PARD3: variants seen among roughly 807,000 people sequenced by gnomAD.
The protein encoded by PARD3 is par-3 family cell polarity regulator.
PARD3 carries 75 observed loss-of-function variants against 155.4 expected under a neutral mutation model. That is an observed-to-expected ratio of 0.48 (90% confidence interval 0.40 to 0.58). The LOEUF (loss-of-function observed/expected upper bound fraction) is 0.58. Among genes scored for constraint, PARD3 ranks in the 20% least tolerant of loss-of-function variants. The pLI, the probability that PARD3 is intolerant of heterozygous loss-of-function variation, is 0.00. For synonymous variants in PARD3, 576 were observed against 610.5 expected, an observed-to-expected ratio of 0.94 and a Z score of 0.83; for missense variants, 1,642 against 1,721.7, an observed-to-expected ratio of 0.95 and a Z score of 0.82.
intron 1 of PARD3, among the ~76,000 whole-genome samples, chr10:34,742,058 T>C (rs577889338): frequency 1.3e-5 from 2 of 152,310 alleles, no homozygotes; most frequent in East Asian, 3.9e-4. Flanking sequence ...TCAAGGTGTT[T>C]GTACTTCTTT....
chr10:34,451,605 T>G (rs1209932519), intron 4 of PARD3, among the ~76,000 whole-genome samples: 1 of 152,146 alleles, frequency 6.6e-6, no homozygotes, highest in African/African-American at 2.4e-5. Flanking sequence ...AAAAATGAAT[T>G]GATAGTATTG....
chr10:34,660,121 TCTAAGA>T (rs1191258582), intron 2 of PARD3, among the ~76,000 whole-genome samples: 16 of 152,182 alleles, frequency 1.1e-4, no homozygotes, highest in Admixed American at 1.3e-4. Context: ...CATCAATAAC[TCTAAGA>T]AAACACAATG....
chr10:34,732,363 G>A (rs150792167), intron 1 of PARD3, among the ~76,000 whole-genome samples: 1,528 of 152,124 alleles, frequency 0.01, 11 homozygotes, highest in Non-Finnish European at 0.015. Flanking sequence ...CATACAAATT[G>A]TCTTTGAAGT....
At chr10:34,141,582 C>T (rs1377211385) in intron 22 of PARD3, among the ~76,000 whole-genome samples, 1 of 152,164 alleles carries the variant, frequency 6.6e-6, no homozygotes, top group East Asian at 1.9e-4. Context: ...TACTCCAAGT[C>T]CCTCTGTGGT....
At chr10:34,359,691 T>C (rs765380619) in intron 13 of PARD3, among the ~76,000 whole-genome samples, 29 of 152,148 alleles carry the variant, frequency 1.9e-4, no homozygotes, top group Non-Finnish European at 4.0e-4. Flanking sequence ...AACTGTCCCC[T>C]TAACAAATGG....
chr10:34,611,812 T>C (rs12220801), intron 2 of PARD3, among the ~76,000 whole-genome samples: 28 of 144,140 alleles, frequency 1.9e-4, no homozygotes, highest in Admixed American at 4.8e-4. Flanking sequence ...TCTTTCTTTT[T>C]TTTTTTTTTT....
rs148042695 is a variant in PARD3, at chr10:34,206,340, C to T, written c.3419+63317G>A. ...TCTCAGATGTCATTCACTATGGTGA[C>T]GGTTTCAGCAAATCCAGCACAGGTA... On this transcript the variant is annotated intron_variant, in intron 22 of 24. Coordinates refer to ENST00000374788, the MANE Select transcript of PARD3 (RefSeq NM_001184785.2). 2.8e-3 allele frequency among the ~76,000 whole-genome samples: 433 copies of T among 152,302 alleles called. 9 individuals carry two copies. In the East Asian group the frequency reaches 0.057, roughly 20 times the overall value.
chr10:34,331,386 G>A (rs1287434712), intron 18 of PARD3, 42 bp from the exon 19 acceptor site: 1 of 1,321,882 alleles, frequency 7.6e-7, no homozygotes, highest in Non-Finnish European at 1.1e-6. Context: ...GTGAATTAGT[G>A]AAAATTATGT....
chr10:34,484,496 G>C (rs956659403), intron 3 of PARD3, among the ~76,000 whole-genome samples: 2 of 152,076 alleles, frequency 1.3e-5, no homozygotes, highest in Admixed American at 1.3e-4. Context: ...TGCTCCTCTC[G>C]AGTACTCAAC....
chr10:34,622,827 C>CT (rs567045063), intron 2 of PARD3, among the ~76,000 whole-genome samples: 2,406 of 113,462 alleles, frequency 0.021, 41 homozygotes, highest in Admixed American at 0.065. Flanking sequence ...TTCTTTTTTT[C>CT]TTTTTTTTTT....
rs1230538973 is a variant in PARD3 at position 34,131,373 on chromosome 10, GTTTC to G, written c.3540+86_3540+89del. 3.5e-6 allele frequency: 5 copies of G among 1,445,936 alleles called. No homozygotes were observed. In the Admixed American group the frequency reaches 7.2e-5, roughly 21 times the overall value. The allele number at this position is 1,445,936 out of a possible 1,614,324, so 89.6% of individuals were successfully genotyped here. On this transcript the variant is annotated intron_variant, in intron 23 of 24. Coordinates refer to ENST00000374788, the MANE Select transcript of PARD3 (RefSeq NM_001184785.2). ...AAGGAATTTGGCTCCATCTTGTCTC[GTTTC>G]ATAGAGCATTGAGGTCATAGCTTAG...
At chr10:34,135,333 G>C (rs536607245) in intron 22 of PARD3, among the ~76,000 whole-genome samples, 1 of 152,192 alleles carries the variant, frequency 6.6e-6, no homozygotes, top group African/African-American at 2.4e-5. Context: ...TAAATGAAGA[G>C]GGTTTGCTTT....
chr10:34,666,796 A>AAAAAAAAAAAAAAT (rs1358640964), intron 2 of PARD3, among the ~76,000 whole-genome samples: 6 of 66,960 alleles, frequency 9.0e-5, no homozygotes, highest in Admixed American at 1.8e-4. Flanking sequence ...AAAAAAAAAA[A>AAAAAAAAAAAAAAT]ATATATATAT....
chr10:34,486,505 C>T (rs2079481326), intron 3 of PARD3, among the ~76,000 whole-genome samples: 1 of 152,170 alleles, frequency 6.6e-6, no homozygotes, highest in South Asian at 2.1e-4. Context: ...AAGCCAGACA[C>T]TGAAATTCAA....
In PARD3 at chr10:34,529,485, T is replaced by TA. The variant is rs565623520; in HGVS notation, c.223-12327dup. 5.7e-4 allele frequency among the ~76,000 whole-genome samples: 87 copies of TA among 152,302 alleles called. No individual in the cohort carries two copies. In the East Asian group the frequency reaches 8.3e-3, roughly 15 times the overall value. ...ATGTGCATTATCACCCCAGTGCTAT[T>TA]AAACAGGTGACCCTAGAACAATGCA... On this transcript the variant is annotated intron_variant, in intron 2 of 24. Transcript: ENST00000374788.
rs535959135 is a variant in PARD3, at chr10:34,474,782, T to C, written c.404-4519A>G. Among the ~76,000 whole-genome samples, 41 of 152,338 alleles carry C rather than the reference T, an allele frequency of 2.7e-4. 1 individual carries two copies. The highest frequency in any genetic ancestry group is 5.9e-4 in the Admixed American group (9 of 15,300). ...ATTCCTAGCTACCTGTGGATACAAA[T>C]GTTGGTTTGTTTTTTAAAAGAGAAG... On this transcript the variant is annotated intron_variant, in intron 3 of 24. Transcript: ENST00000374788.
Position 34,653,760 on chromosome 10 carries a change from C to T in PARD3, c.222+42558G>A, listed in dbSNP as rs191676104. On this transcript the variant is annotated intron_variant, in intron 2 of 24. Transcript: ENST00000374788. ...TTCGCACCTGTGAATAGCCACCGCA[C>T]TCTAGCCTGGGCAACATAGCAAGAC... is the stretch of plus-strand genomic sequence containing the variant. Among the ~76,000 whole-genome samples the T allele has an allele frequency of 2.7e-5, 4 of 146,604 alleles. No homozygotes were observed. In the East Asian group the frequency reaches 6.0e-4, roughly 22 times the overall value.
intron 20 of PARD3, among the ~76,000 whole-genome samples, chr10:34,307,036 G>A (rs189010754): frequency 0.081 from 11,225 of 137,780 alleles, 566 homozygotes; most frequent in Non-Finnish European, 0.11. Flanking sequence ...ACAGGCACCC[G>A]CCACCACGCC....
intron 1 of PARD3, among the ~76,000 whole-genome samples, chr10:34,791,589 G>A (rs565584691): frequency 3.3e-5 from 5 of 152,144 alleles, no homozygotes; most frequent in Admixed American, 2.6e-4. Flanking sequence ...GCCTCAACCC[G>A]TCAGAGCCAG....
Sources: allele counts gnomAD v4.1 joint callset (sites outside exome capture counted in the v4.1 genomes callset), GRCh38; gene constraint gnomAD v4.1.1; transcripts MANE v1.5; gene names NCBI Gene and HGNC (gene_info 2026-07-23, HGNC 2026-07-21).